FKBP15: variants seen among roughly 807,000 people sequenced by gnomAD.
FKBP15 encodes FK506-binding protein 15.
In FKBP15, 106 loss-of-function variants were observed where a neutral mutation model predicts 158.1. The observed-to-expected ratio is 0.67, with a 90% CI of 0.57 to 0.79. The LOEUF (loss-of-function observed/expected upper bound fraction) is 0.79. FKBP15 is among the 30% of genes least tolerant of loss of function. The pLI is 0.00. For missense variants in FKBP15, 1,287 were observed against 1,479.1 expected, an observed-to-expected ratio of 0.87 and a Z score of 2.13; for synonymous variants, 547 against 548.6, an observed-to-expected ratio of 1.00 and a Z score of 0.04.
intron 2 of FKBP15, among the ~76,000 whole-genome samples, chr9:113,207,922 T>C (rs1830924637): frequency 6.6e-6 from 1 of 152,218 alleles, no homozygotes; most frequent in African/African-American, 2.4e-5. Context: ...TCCATCTATT[T>C]TATTTTCTCC....
intron 9 of FKBP15, among the ~76,000 whole-genome samples, chr9:113,195,205 G>A (rs1830652780): frequency 6.6e-6 from 1 of 152,126 alleles, no homozygotes; most frequent in Non-Finnish European, 1.5e-5. Flanking sequence ...GCATAAATGG[G>A]TTAATATATA....
chr9:113,196,675 G>A (rs1160722371), intron 9 of FKBP15, among the ~76,000 whole-genome samples: 2 of 152,096 alleles, frequency 1.3e-5, no homozygotes, highest in South Asian at 2.1e-4. Flanking sequence ...GAGCCACTGC[G>A]CCCGGCCGAA....
Position 113,163,138 on chromosome 9 carries a change from T to G in FKBP15, c.*2940A>C. On this transcript the variant is annotated 3_prime_UTR_variant, in exon 28 of 28. Coordinates refer to ENST00000238256, the MANE Select transcript of FKBP15 (RefSeq NM_015258.2). ...TACGTAGGGCCCAGGCATGGTCTTG[T>G]GTCTTAAGACAGCTGCTGTGACCAA... The G allele has an allele frequency of 2.3e-6, 1 of 442,376 alleles. No individual in the cohort carries two copies. The highest frequency in any genetic ancestry group is 4.0e-6 in the Non-Finnish European group (1 of 248,692). 27.4% of individuals were successfully genotyped at this position (442,376 alleles called of 1,614,324 possible). A position where few individuals can be genotyped will look rare whatever the true frequency, so the allele number is the denominator to read the frequency against.
intron 23 of FKBP15, among the ~76,000 whole-genome samples, chr9:113,172,229 T>C (rs1830227407): frequency 6.6e-6 from 1 of 152,186 alleles, no homozygotes; most frequent in Admixed American, 6.5e-5. Flanking sequence ...GTGCCACATT[T>C]TCTTAATCCA....
At chr9:113,185,555 T>G (rs1162315275) in intron 15 of FKBP15, among the ~76,000 whole-genome samples, 1 of 152,230 alleles carries the variant, frequency 6.6e-6, no homozygotes, top group Non-Finnish European at 1.5e-5. Flanking sequence ...AGCTGATTAC[T>G]AAACAGAAGA....
intron 8 of FKBP15, among the ~76,000 whole-genome samples, chr9:113,197,584 G>A (rs1440145758): frequency 6.6e-5 from 10 of 152,096 alleles, no homozygotes; most frequent in South Asian, 2.1e-4. Context: ...CAGGAGAATC[G>A]CTTGAACCCA....
rs745419718 is a variant in FKBP15, at chr9:113,170,503, G to A, written c.2766+19C>T. On this transcript the variant is annotated intron_variant, in intron 25 of 27. Coordinates refer to ENST00000238256, the MANE Select transcript of FKBP15 (RefSeq NM_015258.2). ...AAATGCCCAATACGATGAAACAAATGACAGCTGGCTGGCTGTACCTTGATC... is the reference window on the plus strand; with the variant it reads ...AAATGCCCAATACGATGAAACAAATAACAGCTGGCTGGCTGTACCTTGATC... The A allele has an allele frequency of 3.9e-6, 6 of 1,540,044 alleles. No homozygotes were observed. Among genetic ancestry groups the A allele is most frequent in the Non-Finnish European group, 5.4e-6 (6 of 1,113,094 alleles).
At chr9:113,177,456 ATT>A (rs1478654517) in intron 20 of FKBP15, among the ~76,000 whole-genome samples, 1 of 152,204 alleles carries the variant, frequency 6.6e-6, no homozygotes, top group Non-Finnish European at 1.5e-5. Context: ...TGTCTAACAC[ATT>A]TGCCTCATGT....
At position 113,165,806 on chromosome 9, in the gene FKBP15, C is replaced by T; in HGVS notation, c.*272G>A. 2.7e-6 allele frequency: 1 copy of T among 376,464 alleles called. No homozygotes were observed. The highest frequency in any genetic ancestry group is 3.6e-5 in the Admixed American group (1 of 27,986). The allele number at this position is 376,464 out of a possible 1,614,324, so 23.3% of individuals were successfully genotyped here. ...AGTCTGGCAGAGGACAGGACTCTTA[C>T]AGGTGACTGGCTTGGAGGGGAACCT... On this transcript the variant is annotated 3_prime_UTR_variant, in exon 28 of 28. Coordinates refer to ENST00000238256, the MANE Select transcript of FKBP15 (RefSeq NM_015258.2).
chr9:113,201,860 T>C (rs1383509345), intron 6 of FKBP15, among the ~76,000 whole-genome samples: 1 of 152,166 alleles, frequency 6.6e-6, no homozygotes, highest in African/African-American at 2.4e-5. Context: ...CATTTTTAAA[T>C]AAAATAAGCA....
chr9:113,218,864 G>A (rs1243686899), intron 1 of FKBP15, among the ~76,000 whole-genome samples: 3 of 152,006 alleles, frequency 2.0e-5, no homozygotes, highest in African/African-American at 7.3e-5. Flanking sequence ...TCTGATGATC[G>A]GTTAATTTAT....
intron 2 of FKBP15, among the ~76,000 whole-genome samples, chr9:113,210,859 G>T (rs1031923503): frequency 2.0e-5 from 3 of 152,136 alleles, no homozygotes; most frequent in Admixed American, 6.5e-5. Flanking sequence ...TTCTGCCGTC[G>T]AACATCAGAC....
At position 113,162,227 on chromosome 9, in the gene FKBP15, G is replaced by C. The variant is rs1830025192; in HGVS notation, c.*3851C>G. On this transcript the variant is annotated 3_prime_UTR_variant, in exon 28 of 28. Coordinates refer to ENST00000238256, the MANE Select transcript of FKBP15 (RefSeq NM_015258.2). ...GCTCCATCACTAGCCACCCTACATG[G>C]GTGTCTCAGATCTTCACAACTGCAC... 3.7e-6 allele frequency: 1 copy of C among 267,258 alleles called. No individual in the cohort carries two copies. Among genetic ancestry groups the C allele is most frequent in the Non-Finnish European group, 7.3e-6 (1 of 136,738 alleles). 16.6% of individuals were successfully genotyped at this position (267,258 alleles called of 1,614,324 possible). A position where few individuals can be genotyped will look rare whatever the true frequency, so the allele number is the denominator to read the frequency against.
intron 23 of FKBP15, among the ~76,000 whole-genome samples, chr9:113,173,037 A>G (rs1344429374): frequency 6.6e-6 from 1 of 152,138 alleles, no homozygotes; most frequent in Non-Finnish European, 1.5e-5. Context: ...AAACCTTCCC[A>G]GCTCTCCTGG....
chr9:113,189,374 T>C (rs1830536519), intron 12 of FKBP15, among the ~76,000 whole-genome samples: 1 of 152,206 alleles, frequency 6.6e-6, no homozygotes, highest in Non-Finnish European at 1.5e-5. Context: ...AATGTAAATG[T>C]TTATGATACA....
At chr9:113,212,283 G>T (rs549295385) in intron 1 of FKBP15, among the ~76,000 whole-genome samples, 113 of 152,228 alleles carry the variant, frequency 7.4e-4, no homozygotes, top group African/African-American at 2.5e-3. Flanking sequence ...CCGCTTCCCA[G>T]GTTCAAGTGA....
intron 4 of FKBP15, among the ~76,000 whole-genome samples, chr9:113,203,443 C>T (rs994861297): frequency 6.6e-6 from 1 of 152,126 alleles, no homozygotes; most frequent in Non-Finnish European, 1.5e-5. Flanking sequence ...TCCCACACCA[C>T]AGGAAGCTCC....
intron 25 of FKBP15, 36 bp downstream of exon 25, chr9:113,170,486 A>C: frequency 7.0e-7 from 1 of 1,437,368 alleles, no homozygotes; most frequent in Non-Finnish European, 9.8e-7. Flanking sequence ...CAAAATGCCC[A>C]ATACGATGAA....
chr9:113,161,452 TGGAAGGGAAACA>T lies in FKBP15; in HGVS notation c.*4614_*4625del. ...GGATTCCATGAACAGGTGGAGGTGC[TGGAAGGGAAACA>T]GTGCTGGCCTGGCCAGGTCTCCACA... On this transcript the variant is annotated 3_prime_UTR_variant, in exon 28 of 28. Coordinates refer to ENST00000238256, the MANE Select transcript of FKBP15 (RefSeq NM_015258.2). 2 of 1,519,908 alleles carry T rather than the reference TGGAAGGGAAACA, an allele frequency of 1.3e-6. No individual in the cohort carries two copies. Among genetic ancestry groups the T allele is most frequent in the Non-Finnish European group, 1.8e-6 (2 of 1,101,214 alleles). The allele number at this position is 1,519,908 out of a possible 1,614,324, so 94.2% of individuals were successfully genotyped here.
Sources: gnomAD v4.1 joint callset for allele counts (sites outside exome capture counted in the v4.1 genomes callset) on GRCh38, gnomAD v4.1.1 for gene constraint, MANE v1.5 for transcripts, NCBI Gene and HGNC (gene_info 2026-07-23, HGNC 2026-07-21) for gene names.